DOCK3: variants seen among roughly 807,000 people sequenced by gnomAD.
The protein encoded by DOCK3 is dedicator of cytokinesis protein 3.
Under a neutral mutation model 265.6 loss-of-function variants are expected in DOCK3, and 60 were observed. The ratio of observed to expected loss-of-function variants is 0.23; its 90% confidence interval spans 0.18 to 0.28. DOCK3 has a LOEUF of 0.28. Ranked by LOEUF, DOCK3 falls within the 10% of genes least tolerant of loss-of-function variation. DOCK3 has a pLI of 1.00. For missense variants in DOCK3, 1,981 were observed against 2,594.3 expected, an observed-to-expected ratio of 0.76 and a Z score of 5.14; for synonymous variants, 881 against 938.0, an observed-to-expected ratio of 0.94 and a Z score of 1.11.
chr3:50,964,063 T>C (rs565634406), intron 5 of DOCK3, among the ~76,000 whole-genome samples: 22 of 152,314 alleles, frequency 1.4e-4, no homozygotes, highest in African/African-American at 5.1e-4. Context: ...GTTCCTACAG[T>C]GCACACTGAA....
intron 23 of DOCK3, among the ~76,000 whole-genome samples, chr3:51,263,349 C>A (rs2079964670): frequency 6.6e-6 from 1 of 152,154 alleles, no homozygotes; most frequent in South Asian, 2.1e-4. Flanking sequence ...GAAATAAAAT[C>A]TTTTACAGAC....
At chr3:50,721,797 T>C (rs1316296186) in intron 1 of DOCK3, among the ~76,000 whole-genome samples, 1 of 152,260 alleles carries the variant, frequency 6.6e-6, no homozygotes, top group African/African-American at 2.4e-5. Flanking sequence ...ATGGCCATTT[T>C]AACAATATTG....
At chr3:51,309,504 G>A (rs989969436) in intron 27 of DOCK3, among the ~76,000 whole-genome samples, 8 of 152,212 alleles carry the variant, frequency 5.3e-5, no homozygotes, top group Non-Finnish European at 8.8e-5. Flanking sequence ...GAATCAGGCA[G>A]GGAGGTTGCA....
intron 1 of DOCK3, among the ~76,000 whole-genome samples, chr3:50,772,549 C>A (rs983805229): frequency 6.6e-6 from 1 of 151,936 alleles, no homozygotes; most frequent in Non-Finnish European, 1.5e-5. Context: ...CAAAACATCC[C>A]GTGTATACCA....
intron 3 of DOCK3, among the ~76,000 whole-genome samples, chr3:50,874,300 G>A (rs1468828432): frequency 6.6e-6 from 1 of 151,644 alleles, no homozygotes; most frequent in African/African-American, 2.4e-5. Flanking sequence ...CCAGAAGTTC[G>A]AGACCAGCCT....
chr3:51,287,028 C>A (rs1018312108), intron 27 of DOCK3, among the ~76,000 whole-genome samples: 1 of 152,082 alleles, frequency 6.6e-6, no homozygotes, highest in Non-Finnish European at 1.5e-5. Flanking sequence ...AATAAACAGG[C>A]AAGCCACAGA....
chr3:51,018,978 T>G (rs1228449739), intron 5 of DOCK3, among the ~76,000 whole-genome samples: 1 of 151,790 alleles, frequency 6.6e-6, no homozygotes, highest in African/African-American at 2.4e-5. Context: ...CAGTGGTGTC[T>G]TTTTTTGGAG....
chr3:50,801,575 A>T (rs1016366243), intron 2 of DOCK3, among the ~76,000 whole-genome samples: 6 of 152,246 alleles, frequency 3.9e-5, no homozygotes, highest in African/African-American at 7.2e-5. Context: ...ACTCATATCT[A>T]ACAATCTTAA....
Position 50,973,459 on chromosome 3 carries a change from G to C in DOCK3, c.315+39382G>C, listed in dbSNP as rs1235480577. Among the ~76,000 whole-genome samples, 8 of 141,012 alleles carry C rather than the reference G, an allele frequency of 5.7e-5. No homozygotes were observed. In the East Asian group the frequency reaches 1.8e-3, roughly 31 times the overall value. 92.5% of individuals were successfully genotyped at this position (141,012 alleles called of 152,430 possible). ...CAGTTTCATCCATGTCCCTACAAAG[G>C]ACATGAACTCATCATTTTTTATGGC... On this transcript the variant is annotated intron_variant, in intron 5 of 52. Transcript: ENST00000266037.
intron 5 of DOCK3, among the ~76,000 whole-genome samples, chr3:50,947,418 C>T (rs916846845): frequency 7.9e-5 from 12 of 151,952 alleles, no homozygotes; most frequent in Admixed American, 7.9e-4. Flanking sequence ...ATTTCCATTT[C>T]AGTTGAAAGC....
At chr3:51,018,348 A>G (rs1050765842) in intron 5 of DOCK3, among the ~76,000 whole-genome samples, 1 of 151,588 alleles carries the variant, frequency 6.6e-6, no homozygotes, top group Non-Finnish European at 1.5e-5. Context: ...CTGTAATCCC[A>G]GCACTTTGAG....
intron 12 of DOCK3, among the ~76,000 whole-genome samples, chr3:51,188,867 A>G (rs890317933): frequency 1.3e-5 from 2 of 152,036 alleles, no homozygotes; most frequent in South Asian, 2.1e-4. Context: ...GATTGATTCC[A>G]TATCTTTGCT....
At chr3:51,355,968 A>G (rs2086333442) in intron 41 of DOCK3, 121 bp from the exon 42 acceptor site, 23 of 1,267,388 alleles carry the variant, frequency 1.8e-5, no homozygotes, top group Non-Finnish European at 2.6e-5. Flanking sequence ...TGCCTCCCCT[A>G]CTGGGCTGTC....
At chr3:50,901,658 G>C (rs1401388415) in intron 4 of DOCK3, 1 of 454,042 alleles carries the variant, frequency 2.2e-6, no homozygotes, top group Non-Finnish European at 4.4e-6. Context: ...GAAAAGCATA[G>C]TAACTGGGCT....
At chr3:50,831,545 C>T (rs2045173267) in intron 2 of DOCK3, among the ~76,000 whole-genome samples, 1 of 152,140 alleles carries the variant, frequency 6.6e-6, no homozygotes, top group Admixed American at 6.5e-5. Context: ...TGTGTCCCTG[C>T]AAAGGGTGTG....
chr3:50,899,646 T>A (rs1194338936), intron 4 of DOCK3, among the ~76,000 whole-genome samples: 2 of 152,222 alleles, frequency 1.3e-5, no homozygotes, highest in African/African-American at 4.8e-5. Flanking sequence ...AGTGCTTCCT[T>A]CAGGAGCTCT....
rs924186593 is a variant in DOCK3, at chr3:51,090,221, C to T, written c.592-9C>T. ...ATAAAAATCACTGGGTTTTTTTCTT[C>T]CTCATTAGGTAGATACAATGCGCCC... On this transcript the variant is annotated splice_polypyrimidine_tract_variant and intron_variant, in intron 8 of 52. Transcript: ENST00000266037. The T allele has an allele frequency of 6.5e-7, 1 of 1,534,398 alleles. No individual in the cohort carries two copies. The highest frequency in any genetic ancestry group is 2.4e-5 in the Admixed American group (1 of 42,412).
chr3:51,050,311 T>TA (rs959652549), intron 5 of DOCK3, among the ~76,000 whole-genome samples: 1 of 152,122 alleles, frequency 6.6e-6, no homozygotes, highest in African/African-American at 2.4e-5. Flanking sequence ...CACTTGACCT[T>TA]AAGAGTTTGA....
chr3:51,381,428 G>C lies in DOCK3; in HGVS notation c.5962G>C (p.Asp1988His). 6.2e-7 allele frequency: 1 copy of C among 1,611,238 alleles called. No individual in the cohort carries two copies. Among genetic ancestry groups the C allele is most frequent in the Non-Finnish European group, 8.5e-7 (1 of 1,179,144 alleles). The change falls in exon 53 of 53, where the codon GAT becomes CAT. Residue 1988 changes from aspartate (D) to histidine (H), a missense_variant. This residue lies in a region of DOCK3 where 149 missense variants were observed against 144.7 expected (regional missense o/e 1.03). Coordinates refer to ENST00000266037, the MANE Select transcript of DOCK3 (RefSeq NM_004947.5). The surrounding 1 kb of genome is among the most constrained non-coding windows in gnomAD (Gnocchi z 5.6). ...YHPRLPALEH[D>H]EGVLLREETE... is the part of the protein sequence containing the mutation. ...CCCCCGCCTGCCGGCCCTGGAGCAC[G>C]ATGAGGGGGTGCTGCTGCGTGAAGA... is the stretch of plus-strand genomic sequence containing the variant.
Sources: allele counts gnomAD v4.1 joint callset (sites outside exome capture counted in the v4.1 genomes callset), GRCh38; gene constraint gnomAD v4.1.1; regional missense constraint gnomAD v4.1.1; non-coding constraint Gnocchi (gnomAD v3.1); transcripts MANE v1.5; gene names NCBI Gene and HGNC (gene_info 2026-07-23, HGNC 2026-07-21).